GPC6: variants seen among roughly 807,000 people sequenced by gnomAD.
GPC6 encodes the protein glypican-6.
A neutral mutation model predicts 55.2 loss-of-function variants in GPC6; 14 were observed. That is an observed-to-expected ratio of 0.25 (90% CI 0.17 to 0.40). The LOEUF is 0.40. Ranked by LOEUF, GPC6 falls within the 10% of genes least tolerant of loss-of-function variation. The pLI is 1.00. For synonymous variants in GPC6, 278 were observed against 259.6 expected (o/e 1.07, Z -0.68); for missense variants, 641 against 708.5 (o/e 0.90, Z 1.08).
intron 4 of GPC6, among the ~76,000 whole-genome samples, chr13:94,130,758 T>C (rs971827471): frequency 6.6e-6 from 1 of 152,096 alleles, no homozygotes; most frequent in Non-Finnish European, 1.5e-5. Context: ...AGAGTCCTCA[T>C]AGGAGTAGAG....
At chr13:93,374,323 G>C (rs1334570011) in intron 1 of GPC6, among the ~76,000 whole-genome samples, 1 of 152,104 alleles carries the variant, frequency 6.6e-6, no homozygotes, top group South Asian at 2.1e-4. Context: ...AGAATTAGGA[G>C]GCCCGATTAA....
chr13:94,307,225 T>A (rs1875994347), intron 6 of GPC6, among the ~76,000 whole-genome samples: 1 of 152,254 alleles, frequency 6.6e-6, no homozygotes, highest in African/African-American at 2.4e-5. Flanking sequence ...CATTTTGTTA[T>A]AAATTTATTG....
chr13:93,372,278 T>G (rs1874691618), intron 1 of GPC6, among the ~76,000 whole-genome samples: 1 of 151,632 alleles, frequency 6.6e-6, no homozygotes, highest in Non-Finnish European at 1.5e-5. Flanking sequence ...GCAGAGGTCC[T>G]GCTTCTTTTG....
At chr13:93,941,970 T>C (rs562165109) in intron 3 of GPC6, among the ~76,000 whole-genome samples, 3 of 152,278 alleles carry the variant, frequency 2.0e-5, no homozygotes, top group African/African-American at 7.2e-5. Context: ...TAGAGGTACC[T>C]GGTATACAGA....
chr13:94,199,934 C>T (rs1889698935), intron 4 of GPC6, among the ~76,000 whole-genome samples: 1 of 152,176 alleles, frequency 6.6e-6, no homozygotes, highest in South Asian at 2.1e-4. Context: ...GGGCAGGTGG[C>T]TCACCTGAGG....
intron 2 of GPC6, among the ~76,000 whole-genome samples, chr13:93,657,811 T>G (rs1308516494): frequency 6.6e-6 from 1 of 151,948 alleles, no homozygotes; most frequent in Non-Finnish European, 1.5e-5. Flanking sequence ...CAGATGCTTC[T>G]CAAAAGAAGA....
chr13:93,838,552 G>C (rs754629392), intron 3 of GPC6, among the ~76,000 whole-genome samples: 7 of 152,182 alleles, frequency 4.6e-5, no homozygotes, highest in Non-Finnish European at 8.8e-5. Context: ...AGAGCATCAC[G>C]TGAGCTGTGG....
At chr13:93,889,070 T>C (rs1354998421) in intron 3 of GPC6, among the ~76,000 whole-genome samples, 2 of 152,152 alleles carry the variant, frequency 1.3e-5, no homozygotes, top group Non-Finnish European at 2.9e-5. Context: ...AATTATGATA[T>C]TCATTTTCTT....
rs1027748709 is a variant in GPC6, at chr13:93,879,901, G to A, written c.711+49356G>A. On this transcript the variant is annotated intron_variant, in intron 3 of 8. Transcript: ENST00000377047. The stretch of plus-strand genomic sequence containing the variant: ...CAAACAACCCCATCAAAAAGTGGGC[G>A]AAGGACATGAACAGACATTTCTCAA... Among the ~76,000 whole-genome samples, 178 of 151,384 alleles carry A rather than the reference G, an allele frequency of 1.2e-3. 1 individual carries two copies. The highest frequency in any genetic ancestry group is 3.3e-3 in the African/African-American group (137 of 41,354).
chr13:93,754,815 G>C (rs1396655721), intron 2 of GPC6, among the ~76,000 whole-genome samples: 2 of 151,916 alleles, frequency 1.3e-5, no homozygotes, highest in African/African-American at 2.4e-5. Flanking sequence ...AGTAACCTTT[G>C]AGGCCACCCA....
intron 2 of GPC6, among the ~76,000 whole-genome samples, chr13:93,630,670 A>G (rs1405354854): frequency 2.0e-5 from 3 of 152,238 alleles, no homozygotes; most frequent in Admixed American, 1.3e-4. Context: ...AGTATTTTCT[A>G]TAACTAGTCA....
At chr13:93,546,975 A>G (rs1409996651) in intron 2 of GPC6, among the ~76,000 whole-genome samples, 2 of 151,880 alleles carry the variant, frequency 1.3e-5, no homozygotes, top group Non-Finnish European at 2.9e-5. Context: ...TAACAAAAAA[A>G]TATTAAATAT....
At chr13:93,513,286 C>G (rs1405257042) in intron 1 of GPC6, among the ~76,000 whole-genome samples, 2 of 152,168 alleles carry the variant, frequency 1.3e-5, no homozygotes, top group Non-Finnish European at 2.9e-5. Flanking sequence ...CCTCAGTCCC[C>G]GGATGCCCCT....
intron 1 of GPC6, among the ~76,000 whole-genome samples, chr13:93,295,043 G>A (rs1236853583): frequency 1.3e-5 from 2 of 149,566 alleles, no homozygotes; most frequent in Admixed American, 6.8e-5. Context: ...AGCCTAGGTG[G>A]GCAGATTGCT....
intron 3 of GPC6, among the ~76,000 whole-genome samples, chr13:93,999,413 T>C (rs1278639314): frequency 6.6e-6 from 1 of 152,226 alleles, no homozygotes; most frequent in Non-Finnish European, 1.5e-5. Context: ...CCACATTTTC[T>C]TTACCCAGTC....
chr13:93,499,254 T>TA (rs1880434696), intron 1 of GPC6, among the ~76,000 whole-genome samples: 1 of 152,204 alleles, frequency 6.6e-6, no homozygotes, highest in South Asian at 2.1e-4. Flanking sequence ...GTTTTAAGAT[T>TA]AAAAAAGAGT....
intron 2 of GPC6, among the ~76,000 whole-genome samples, chr13:93,813,263 A>G (rs576754327): frequency 6.0e-4 from 92 of 152,298 alleles, no homozygotes; most frequent in Non-Finnish European, 3.2e-4. Flanking sequence ...CTAAAAATAC[A>G]AAAATTAGCA....
At position 94,347,093 on chromosome 13, in the gene GPC6, G is replaced by A. The variant is rs533672688; in HGVS notation, c.1153-35321G>A. Reference sequence around the variant, plus strand: ...TTACATGTCATTTTGTTCGTTGGAGGTGAGCTCAAGGAACTGGGGGTGATG... The same window carrying A: ...TTACATGTCATTTTGTTCGTTGGAGATGAGCTCAAGGAACTGGGGGTGATG... On this transcript the variant is annotated intron_variant, in intron 6 of 8. Coordinates refer to ENST00000377047, the MANE Select transcript of GPC6 (RefSeq NM_005708.5). 9.2e-5 allele frequency among the ~76,000 whole-genome samples: 14 copies of A among 152,208 alleles called. 1 individual carries two copies. The South Asian group carries it at 2.9e-3, about 32-fold the overall frequency.
chr13:93,537,512 C>T (rs1330421984), intron 1 of GPC6, among the ~76,000 whole-genome samples: 2 of 151,720 alleles, frequency 1.3e-5, no homozygotes, highest in Non-Finnish European at 2.9e-5. Flanking sequence ...TTTGAAGAAA[C>T]CTATTTCCTC....
Sources: allele counts gnomAD v4.1 joint callset (sites outside exome capture counted in the v4.1 genomes callset), GRCh38; gene constraint gnomAD v4.1.1; transcripts MANE v1.5; gene names NCBI Gene and HGNC (gene_info 2026-07-23, HGNC 2026-07-21).